The following ATP6V1E1 variants were observed in gnomAD, a reference collection of about 807,000 sequenced individuals.
The protein encoded by ATP6V1E1 is ATPase H+ transporting V1 subunit E1.
In ATP6V1E1, 21 loss-of-function variants were observed where a neutral mutation model predicts 35.2. That is an observed-to-expected ratio of 0.60 (90% confidence interval 0.42 to 0.86). The LOEUF is 0.86. Among genes scored for constraint, ATP6V1E1 ranks in the 40% least tolerant of loss-of-function variants. ATP6V1E1 has a pLI of 0.00. For synonymous variants in ATP6V1E1, 83 were observed against 87.8 expected (o/e 0.95, Z 0.30); for missense variants, 183 against 272.6 (o/e 0.67, Z 2.32).
rs1186064130 is a variant in ATP6V1E1 at position 17,614,954 on chromosome 22, C to A, written c.100-1634G>T. Among the ~76,000 whole-genome samples, 139 of 137,982 alleles carry A rather than the reference C, an allele frequency of 1.0e-3. 2 individuals carry two copies. The highest frequency in any genetic ancestry group is 2.3e-3 in the African/African-American group (86 of 37,340). The allele number at this position is 137,982 out of a possible 152,430, so 90.5% of individuals were successfully genotyped here. A position where few individuals can be genotyped will look rare whatever the true frequency, so the allele number is the denominator to read the frequency against. ...TGGGCAGCAGAGCGAGACACCGTTTCAAAAAAAAAAAAAATTTTTTTTCCC... is the reference window on the plus strand; with the variant it reads ...TGGGCAGCAGAGCGAGACACCGTTTAAAAAAAAAAAAAAATTTTTTTTCCC... On this transcript the variant is annotated intron_variant, in intron 2 of 8. Transcript: ENST00000253413.
At chr22:17,626,499 C>A (rs2057906504) in intron 1 of ATP6V1E1, among the ~76,000 whole-genome samples, 1 of 151,856 alleles carries the variant, frequency 6.6e-6, no homozygotes, top group Admixed American at 6.6e-5. Flanking sequence ...ATCAGCCTCC[C>A]TAAGTAGCTA....
Position 17,601,198 on chromosome 22 carries a change from A to G in ATP6V1E1, c.277-17T>C. ...TAGTAGGTCCTACAAAGATTAGAAA[A>G]GATAAAAGTTATCTACACATCTGGG... On this transcript the variant is annotated splice_polypyrimidine_tract_variant and intron_variant, in intron 4 of 8. Coordinates refer to ENST00000253413, the MANE Select transcript of ATP6V1E1 (RefSeq NM_001696.4). 1 of 1,607,868 alleles carries G rather than the reference A, an allele frequency of 6.2e-7. No individual in the cohort carries two copies. Among genetic ancestry groups the G allele is most frequent in the Non-Finnish European group, 8.5e-7 (1 of 1,175,610 alleles).
At chr22:17,598,944 A>G (rs2057747303) in intron 6 of ATP6V1E1, among the ~76,000 whole-genome samples, 1 of 152,164 alleles carries the variant, frequency 6.6e-6, no homozygotes, top group African/African-American at 2.4e-5. Flanking sequence ...GAACGGATAA[A>G]CACAACGTGG....
chr22:17,613,065 A>G, intron 3 of ATP6V1E1, 146 bp downstream of exon 3: 1 of 914,120 alleles, frequency 1.1e-6, no homozygotes, highest in Non-Finnish European at 1.7e-6. Flanking sequence ...AATTTTCACA[A>G]ATGAAGAAAG....
At chr22:17,623,155 A>G (rs905223629) in intron 1 of ATP6V1E1, among the ~76,000 whole-genome samples, 1 of 152,132 alleles carries the variant, frequency 6.6e-6, no homozygotes, top group Non-Finnish European at 1.5e-5. Context: ...CCTACTTTTA[A>G]GGAGACAAAA....
intron 4 of ATP6V1E1, among the ~76,000 whole-genome samples, chr22:17,605,248 T>G (rs2057780727): frequency 6.8e-6 from 1 of 146,628 alleles, no homozygotes; most frequent in East Asian, 2.0e-4. Flanking sequence ...AGAAAACTTA[T>G]GGCTAGGCAT....
intron 1 of ATP6V1E1, 116 bp from the exon 2 acceptor site, chr22:17,619,642 C>T: frequency 1.2e-6 from 1 of 848,818 alleles, no homozygotes; most frequent in Non-Finnish European, 1.8e-6. Flanking sequence ...TCCTACCACT[C>T]TGGGGGGCCA....
intron 1 of ATP6V1E1, among the ~76,000 whole-genome samples, chr22:17,628,097 C>G (rs2057930750): frequency 6.6e-6 from 1 of 151,418 alleles, no homozygotes; most frequent in Non-Finnish European, 1.5e-5. Context: ...TCCCGAGTAG[C>G]TGGGATTACA....
rs868840160 is a variant in ATP6V1E1 at position 17,592,871 on chromosome 22, C to T, written c.619-135G>A. Reference sequence around the variant, plus strand: ...AGGCTGGAGTGCAGTGGCGCATCTCCGCTCATTGCAAGCTCACGCCATTCT... The same window carrying T: ...AGGCTGGAGTGCAGTGGCGCATCTCTGCTCATTGCAAGCTCACGCCATTCT... On this transcript the variant is annotated intron_variant, in intron 8 of 8. Coordinates refer to ENST00000253413, the MANE Select transcript of ATP6V1E1 (RefSeq NM_001696.4). 28 of 747,748 alleles carry T rather than the reference C, an allele frequency of 3.7e-5. 1 individual carries two copies. The highest frequency in any genetic ancestry group is 3.5e-4 in the Admixed American group (15 of 42,382). The allele number at this position is 747,748 out of a possible 1,614,324, so 46.3% of individuals were successfully genotyped here. A position where few individuals can be genotyped will look rare whatever the true frequency, so the allele number is the denominator to read the frequency against.
At chr22:17,623,645 A>C (rs887820984) in intron 1 of ATP6V1E1, among the ~76,000 whole-genome samples, 1 of 150,134 alleles carries the variant, frequency 6.7e-6, no homozygotes, top group African/African-American at 2.5e-5. Flanking sequence ...TGACAGAGCA[A>C]GACTCTGTCT....
intron 2 of ATP6V1E1, among the ~76,000 whole-genome samples, chr22:17,618,681 C>CAAAAAAAAAA (rs796136446): frequency 1.4e-5 from 1 of 72,386 alleles, no homozygotes; most frequent in Admixed American, 1.4e-4. Context: ...GACTCCATCT[C>CAAAAAAAAAA]AAAAAAAAAA....
chr22:17,603,190 T>C (rs1432430588), intron 4 of ATP6V1E1, among the ~76,000 whole-genome samples: 3 of 152,092 alleles, frequency 2.0e-5, no homozygotes, highest in African/African-American at 7.2e-5. Flanking sequence ...CCTCAAGTGA[T>C]CTGCCTGCCT....
intron 4 of ATP6V1E1, among the ~76,000 whole-genome samples, chr22:17,609,134 C>G (rs1260675755): frequency 6.7e-6 from 1 of 148,198 alleles, no homozygotes; most frequent in Non-Finnish European, 1.5e-5. Context: ...AACAAACAAA[C>G]AAAAATTCAT....
chr22:17,625,883 T>C (rs898310758), intron 1 of ATP6V1E1, among the ~76,000 whole-genome samples: 5 of 150,666 alleles, frequency 3.3e-5, no homozygotes, highest in African/African-American at 9.8e-5. Context: ...AAAAAAAAAG[T>C]TTCCCAGGAC....
chr22:17,616,282 G>T (rs12162848), intron 2 of ATP6V1E1, among the ~76,000 whole-genome samples: 1 of 151,788 alleles, frequency 6.6e-6, no homozygotes, highest in Non-Finnish European at 1.5e-5. Flanking sequence ...CAGGAGGTGG[G>T]GGTTGTGGTG....
chr22:17,594,929 T>C (rs1318074689), intron 7 of ATP6V1E1: 1 of 175,300 alleles, frequency 5.7e-6, no homozygotes, highest in East Asian at 1.5e-4. Flanking sequence ...ATGGTTGTTA[T>C]ACCGTAGTGT....
chr22:17,622,874 G>A (rs2057885003), intron 1 of ATP6V1E1, among the ~76,000 whole-genome samples: 1 of 152,132 alleles, frequency 6.6e-6, no homozygotes, highest in African/African-American at 2.4e-5. Flanking sequence ...GGCTGAGGCA[G>A]GAGAATCACT....
chr22:17,612,612 T>A (rs1568888603), intron 4 of ATP6V1E1, 200 bp downstream of exon 4: 1 of 540,822 alleles, frequency 1.8e-6, no homozygotes, highest in Non-Finnish European at 3.3e-6. Flanking sequence ...TCCAGGAGAG[T>A]CTTACATGCT....
intron 4 of ATP6V1E1, among the ~76,000 whole-genome samples, chr22:17,604,725 A>G (rs12165542): frequency 0.42 from 63,265 of 151,376 alleles, 15,042 homozygotes; most frequent in African/African-American, 0.65. Flanking sequence ...CACCATGTTG[A>G]TCAGGCTGGT....
Sources: allele counts gnomAD v4.1 joint callset (sites outside exome capture counted in the v4.1 genomes callset), GRCh38; gene constraint gnomAD v4.1.1; transcripts MANE v1.5; gene names NCBI Gene and HGNC (gene_info 2026-07-23, HGNC 2026-07-21).